Variants in LACTB observed in about 807,000 individuals in gnomAD.
The protein encoded by LACTB is serine beta-lactamase-like protein LACTB, mitochondrial.
A neutral mutation model predicts 50.2 loss-of-function variants in LACTB; 35 were observed. The observed-to-expected ratio is 0.70, with a 90% CI of 0.53 to 0.92. The LOEUF (loss-of-function observed/expected upper bound fraction) is 0.92, where lower values mean the gene tolerates loss of function less well. Among genes scored for constraint, LACTB ranks in the 40% least tolerant of loss-of-function variants. The probability of loss-of-function intolerance (pLI) is 0.00; values close to 1 mark genes in which losing one functional copy is unlikely to be tolerated. For missense variants in LACTB, 664 were observed against 691.8 expected, an observed-to-expected ratio of 0.96 and a Z score of 0.45; for synonymous variants, 252 against 268.2, an observed-to-expected ratio of 0.94 and a Z score of 0.59.
At chr15:63,136,423 T>C (rs2141077015) in intron 5 of LACTB, among the ~76,000 whole-genome samples, 1 of 152,314 alleles carries the variant, frequency 6.6e-6, no homozygotes, top group African/African-American at 2.4e-5. Context: ...GTTTGGTTTT[T>C]TTGTTTTGTC....
intron 5 of LACTB, chr15:63,130,487 G>C (rs1170291668): frequency 7.6e-6 from 1 of 131,556 alleles, no homozygotes; most frequent in South Asian, 2.5e-4. Flanking sequence ...CAGGCTGGGC[G>C]AAAGAGTGAG....
At chr15:63,123,364 TAAC>T (rs1465439696) in intron 2 of LACTB, among the ~76,000 whole-genome samples, 2 of 152,192 alleles carry the variant, frequency 1.3e-5, no homozygotes, top group African/African-American at 2.4e-5. Flanking sequence ...TTAATTAAGT[TAAC>T]AATTTCTTGA....
intron 2 of LACTB, among the ~76,000 whole-genome samples, chr15:63,125,401 C>T (rs1435457735): frequency 1.3e-5 from 2 of 152,038 alleles, no homozygotes; most frequent in Non-Finnish European, 2.9e-5. Flanking sequence ...CTCCCGACCT[C>T]AGGTGATGCG....
Position 63,122,697 on chromosome 15 carries a change from C to T in LACTB, c.419C>T (p.Ser140Leu). ...GVSVDGKEVW[S>L]EGLGYADVEN... ...TCTGTAGATGGAAAAGAAGTCTGGTCAGAAGGTGGGTTCAGAAAATTGTTG... is the reference window on the plus strand; with the variant it reads ...TCTGTAGATGGAAAAGAAGTCTGGTTAGAAGGTGGGTTCAGAAAATTGTTG... Residue 140 changes from serine to leucine, a missense_variant, in exon 2 of 6, where the codon TCA becomes TTA. By Grantham distance (145) the Ser-to-Leu change is moderately radical. Coordinates refer to ENST00000261893, the MANE Select transcript of LACTB (RefSeq NM_032857.5). The T allele has an allele frequency of 6.2e-7, 1 of 1,611,328 alleles. No homozygotes were observed. The highest frequency in any genetic ancestry group is 8.5e-7 in the Non-Finnish European group (1 of 1,177,448).
intron 5 of LACTB, among the ~76,000 whole-genome samples, chr15:63,135,795 G>A (rs1233459585): frequency 2.6e-5 from 4 of 152,192 alleles, no homozygotes; most frequent in African/African-American, 7.2e-5. Flanking sequence ...ATGGATGTAT[G>A]ACCTTACTAT....
At chr15:63,135,784 C>T (rs1290331911) in intron 5 of LACTB, among the ~76,000 whole-genome samples, 1 of 152,150 alleles carries the variant, frequency 6.6e-6, no homozygotes, top group Non-Finnish European at 1.5e-5. Context: ...GTAAAGATGG[C>T]ATGGATGTAT....
At chr15:63,141,134 T>C (rs779005529) in intron 5 of LACTB, 146 bp from the exon 6 acceptor site, 8 of 1,428,704 alleles carry the variant, frequency 5.6e-6, no homozygotes, top group Non-Finnish European at 7.3e-6. Flanking sequence ...TGAATCATAC[T>C]GAAAATTAGT....
rs769277783 is a variant in LACTB at position 63,141,640 on chromosome 15, T to TA, written c.1480dup (p.Ser494LysfsTer8). 2 of 1,614,066 alleles carry TA rather than the reference T, an allele frequency of 1.2e-6. No individual in the cohort carries two copies. Among genetic ancestry groups the TA allele is most frequent in the Admixed American group, 1.7e-5 (1 of 60,000 alleles). ...ATACTGGAGGGGCAGTGGGTGCCAG[T>TA]AGTGTCCTGCTGGTCCTTCCTGAAG... On this transcript the variant is annotated frameshift_variant, in exon 6 of 6. Coordinates refer to ENST00000261893, the MANE Select transcript of LACTB (RefSeq NM_032857.5). LOFTEE classifies it high-confidence loss of function.
At chr15:63,127,765 A>C in intron 4 of LACTB, 76 bp downstream of exon 4, 2 of 988,866 alleles carry the variant, frequency 2.0e-6, no homozygotes, top group Non-Finnish European at 3.0e-6. Context: ...AAATGATACC[A>C]TCCGGAGTGC....
rs748838431 is a variant in LACTB at position 63,122,218 on chromosome 15, A to G, written c.347A>G (p.His116Arg). ...RAIESSRDLLHRIKDEVGAPG... is the reference protein window; with the variant it reads ...RAIESSRDLLRRIKDEVGAPG... The stretch of plus-strand genomic sequence containing the variant: ...ATCGAGAGCAGCCGCGACCTGCTGC[A>G]CAGGATCAAGGTGCGGCCACTGGAG... The change falls in exon 1 of 6, where the codon CAC becomes CGC. Residue 116 changes from histidine (H) to arginine (R), a missense_variant. His to Arg is a conservative substitution (Grantham distance 29). Transcript: ENST00000261893. 1.3e-5 allele frequency: 20 copies of G among 1,560,462 alleles called. No homozygotes were observed. In the East Asian group the frequency reaches 4.2e-4, roughly 33 times the overall value.
At chr15:63,133,481 G>A (rs1190672027) in intron 5 of LACTB, among the ~76,000 whole-genome samples, 2 of 152,032 alleles carry the variant, frequency 1.3e-5, no homozygotes, top group East Asian at 1.9e-4. Context: ...AAAATTAGGC[G>A]GGCATAGTAG....
chr15:63,134,326 G>A (rs984500429), intron 5 of LACTB, among the ~76,000 whole-genome samples: 1 of 152,124 alleles, frequency 6.6e-6, no homozygotes, highest in African/African-American at 2.4e-5. Context: ...CATTAAAGGG[G>A]CACCAAAATG....
At chr15:63,122,525 GGA>G in intron 1 of LACTB, 109 bp from the exon 2 acceptor site, 1 of 875,436 alleles carries the variant, frequency 1.1e-6, no homozygotes, top group Non-Finnish European at 1.9e-6. Flanking sequence ...GGGCCCAGGT[GGA>G]GGGGGCGGGG....
chr15:63,123,111 G>A (rs2037000216), intron 2 of LACTB, among the ~76,000 whole-genome samples: 1 of 152,190 alleles, frequency 6.6e-6, no homozygotes. Flanking sequence ...CATAGTAAGA[G>A]ATTAGCAACA....
chr15:63,128,160 T>C (rs549156162), intron 4 of LACTB, among the ~76,000 whole-genome samples: 3 of 152,354 alleles, frequency 2.0e-5, no homozygotes, highest in East Asian at 3.9e-4. Context: ...TTGGTGCCTA[T>C]TGAAGCTACT....
chr15:63,141,228 G>T, intron 5 of LACTB, 52 bp from the exon 6 acceptor site: 1 of 1,533,184 alleles, frequency 6.5e-7, no homozygotes, highest in Non-Finnish European at 8.8e-7. Context: ...ATCATCATGT[G>T]TGAAGCCAGT....
chr15:63,123,713 G>C (rs1195090838), intron 2 of LACTB, among the ~76,000 whole-genome samples: 1 of 152,250 alleles, frequency 6.6e-6, no homozygotes, highest in South Asian at 2.1e-4. Context: ...TTCCCTGCCT[G>C]GCAGCCGAGG....
intron 1 of LACTB, 136 bp from the exon 2 acceptor site, chr15:63,122,500 G>C (rs2036988781): frequency 1.3e-6 from 1 of 791,504 alleles, no homozygotes; most frequent in Non-Finnish European, 2.2e-6. Flanking sequence ...ACCATGGCCT[G>C]GGACGAGGTG....
In LACTB at chr15:63,121,971, C is replaced by A. The variant is rs1409806641; in HGVS notation, c.100C>A (p.Pro34Thr). 1.5e-6 allele frequency: 2 copies of A among 1,374,002 alleles called. No homozygotes were observed. The highest frequency in any genetic ancestry group is 1.9e-6 in the Non-Finnish European group (2 of 1,072,270). The allele number at this position is 1,374,002 out of a possible 1,614,324, so 85.1% of individuals were successfully genotyped here. Residue 34 changes from proline to threonine, a missense_variant, in exon 1 of 6, where the codon CCG (proline) becomes ACG (threonine). Transcript: ENST00000261893. Reference protein sequence around the residue: ...RRGVHQRAGLPPLGHGWVGGL... With the variant: ...RRGVHQRAGLTPLGHGWVGGL... Reference sequence around the variant, plus strand: ...CGGGGTCCATCAGCGCGCCGGGCTGCCGCCTCTCGGCCACGGCTGGGTCGG... The same window carrying A: ...CGGGGTCCATCAGCGCGCCGGGCTGACGCCTCTCGGCCACGGCTGGGTCGG...
Sources: allele counts gnomAD v4.1 joint callset (sites outside exome capture counted in the v4.1 genomes callset), GRCh38; gene constraint gnomAD v4.1.1; transcripts MANE v1.5; gene names NCBI Gene and HGNC (gene_info 2026-07-23, HGNC 2026-07-21).